Variants in DSCAML1 observed in about 807,000 individuals in gnomAD.
The protein encoded by DSCAML1 is cell adhesion molecule DSCAML1.
DSCAML1 carries 38 observed loss-of-function variants against 200.5 expected under a neutral mutation model. That is an observed-to-expected ratio of 0.19 (90% CI 0.15 to 0.25). The LOEUF is 0.25. Ranked by LOEUF, DSCAML1 falls within the 10% of genes least tolerant of loss-of-function variation. The pLI, the probability that DSCAML1 is intolerant of heterozygous loss-of-function variation, is 1.00. For synonymous variants in DSCAML1, 1,215 were observed against 1,165.0 expected (o/e 1.04, Z -0.87); for missense variants, 2,223 against 2,858.8 (o/e 0.78, Z 5.07).
chr11:117,607,326 G>A (rs934299930), intron 3 of DSCAML1, among the ~76,000 whole-genome samples: 6 of 152,202 alleles, frequency 3.9e-5, no homozygotes, highest in Non-Finnish European at 5.9e-5. Flanking sequence ...ACCTAGAGTG[G>A]GAGGTCAGGC....
chr11:117,436,406 C>T (rs665403), intron 26 of DSCAML1, among the ~76,000 whole-genome samples: 31,160 of 152,074 alleles, frequency 0.2, 3,361 homozygotes, highest in Middle Eastern at 0.25. Flanking sequence ...GCCTTCCTTG[C>T]TTGAGTCCAT....
At chr11:117,482,234 G>A (rs3741278) in intron 11 of DSCAML1, 72 bp from the exon 12 acceptor site, 161,902 of 1,549,398 alleles carry the variant, frequency 0.1, 9,440 homozygotes, top group East Asian at 0.2. Flanking sequence ...CGTGCCCTGC[G>A]CAGAAGCCCC....
At chr11:117,569,114 T>TG (rs2050804815) in intron 3 of DSCAML1, among the ~76,000 whole-genome samples, 1 of 152,138 alleles carries the variant, frequency 6.6e-6, no homozygotes, top group South Asian at 2.1e-4. Flanking sequence ...AAATAAGCAA[T>TG]GGGGAAAGGA....
intron 3 of DSCAML1, among the ~76,000 whole-genome samples, chr11:117,678,018 A>T (rs542436234): frequency 1.3e-5 from 2 of 152,346 alleles, no homozygotes; most frequent in South Asian, 4.1e-4. Context: ...AGACCAACCA[A>T]AAAGGTCATT....
chr11:117,796,569 G>C (rs1271500793), intron 1 of DSCAML1, among the ~76,000 whole-genome samples: 1 of 152,256 alleles, frequency 6.6e-6, no homozygotes, highest in African/African-American at 2.4e-5. Flanking sequence ...GTCCGCGGCG[G>C]GAGAGGGACG....
chr11:117,554,205 A>G (rs1404935392), intron 3 of DSCAML1, among the ~76,000 whole-genome samples: 1 of 152,134 alleles, frequency 6.6e-6, no homozygotes, highest in East Asian at 1.9e-4. Flanking sequence ...CTGATGACAA[A>G]GTTTTGGAAA....
chr11:117,795,832 C>A (rs1050267242), intron 1 of DSCAML1, among the ~76,000 whole-genome samples: 3 of 152,228 alleles, frequency 2.0e-5, no homozygotes, highest in Non-Finnish European at 4.4e-5. Context: ...GGGTGGCAAC[C>A]CTCCACTGGA....
intron 3 of DSCAML1, among the ~76,000 whole-genome samples, chr11:117,585,050 T>C (rs1220038072): frequency 6.6e-6 from 1 of 152,176 alleles, no homozygotes; most frequent in Non-Finnish European, 1.5e-5. Context: ...ACAGTCTGAT[T>C]TTGACGATCT....
chr11:117,625,824 G>A (rs1000747424), intron 3 of DSCAML1, among the ~76,000 whole-genome samples: 1 of 152,220 alleles, frequency 6.6e-6, no homozygotes, highest in Non-Finnish European at 1.5e-5. Context: ...AATGTGTGGG[G>A]CAATCCTGCC....
intron 3 of DSCAML1, among the ~76,000 whole-genome samples, chr11:117,774,326 C>T (rs903939807): frequency 5.3e-5 from 8 of 152,070 alleles, no homozygotes; most frequent in Non-Finnish European, 1.0e-4. Flanking sequence ...ACACAGACAC[C>T]ATTCCATACC....
At chr11:117,796,897 G>T in intron 1 of DSCAML1, 137 bp downstream of exon 1, 1 of 531,782 alleles carries the variant, frequency 1.9e-6, no homozygotes, top group Non-Finnish European at 2.9e-6. Context: ...GCCCCTCCCC[G>T]CTGCGCCCCA....
chr11:117,789,365 T>C (rs2055417768), intron 1 of DSCAML1, among the ~76,000 whole-genome samples: 1 of 152,174 alleles, frequency 6.6e-6, no homozygotes, highest in South Asian at 2.1e-4. Context: ...GGGAGTCAGC[T>C]CAGACAGCAC....
rs2134045829 is a variant in DSCAML1, at chr11:117,776,771, A to G, written c.511+20T>C. On this transcript the variant is annotated intron_variant, in intron 3 of 32. Coordinates refer to ENST00000651296, the MANE Select transcript of DSCAML1 (RefSeq NM_020693.4). ...CAGAGGGAGCACCTCTGTCTGCCGC[A>G]GCCCCGGGACGCTTCTTACCTGGGA... 6.2e-7 allele frequency: 1 copy of G among 1,613,838 alleles called. No homozygotes were observed. The highest frequency in any genetic ancestry group is 1.3e-5 in the African/African-American group (1 of 75,008).
chr11:117,701,874 C>T (rs2053674073), intron 3 of DSCAML1, among the ~76,000 whole-genome samples: 1 of 152,228 alleles, frequency 6.6e-6, no homozygotes, highest in Non-Finnish European at 1.5e-5. Flanking sequence ...ACCCCCAGAC[C>T]TCATGCCCAT....
intron 24 of DSCAML1, among the ~76,000 whole-genome samples, chr11:117,438,316 C>G (rs1038570361): frequency 4.8e-5 from 5 of 103,270 alleles, no homozygotes; most frequent in African/African-American, 2.6e-4. Context: ...GGGTCCAGCC[C>G]CCGGCGGGTC....
intron 1 of DSCAML1, among the ~76,000 whole-genome samples, chr11:117,796,393 G>T (rs965422153): frequency 2.6e-5 from 4 of 152,240 alleles, no homozygotes; most frequent in Non-Finnish European, 5.9e-5. Flanking sequence ...TAAAGCCGGG[G>T]CAGAGGGGTG....
chr11:117,759,804 A>C (rs1048811916), intron 3 of DSCAML1, among the ~76,000 whole-genome samples: 6 of 152,172 alleles, frequency 3.9e-5, no homozygotes, highest in African/African-American at 1.2e-4. Context: ...CCTCATGCTG[A>C]GTCTCCAGGC....
chr11:117,630,382 G>A (rs911589696), intron 3 of DSCAML1, among the ~76,000 whole-genome samples: 2 of 152,106 alleles, frequency 1.3e-5, no homozygotes, highest in Non-Finnish European at 2.9e-5. Context: ...CAGTGGCCTT[G>A]CAGACACACA....
intron 3 of DSCAML1, among the ~76,000 whole-genome samples, chr11:117,687,426 A>ATTTCAAATTT (rs1555198846): frequency 1.0e-5 from 1 of 97,684 alleles, no homozygotes; most frequent in African/African-American, 4.1e-5. Flanking sequence ...ATGCCTGGCT[A>ATTTCAAATTT]TTTTTTTTTT....
Sources: allele counts gnomAD v4.1 joint callset (sites outside exome capture counted in the v4.1 genomes callset), GRCh38; gene constraint gnomAD v4.1.1; transcripts MANE v1.5; gene names NCBI Gene and HGNC (gene_info 2026-07-23, HGNC 2026-07-21).